The following TIMP2 variants were observed in gnomAD, a reference collection of about 807,000 sequenced individuals.
TIMP2 encodes the protein metalloproteinase inhibitor 2.
In TIMP2, 5 loss-of-function variants were observed where a neutral mutation model predicts 24.3. The ratio of observed to expected loss-of-function variants is 0.21; its 90% CI spans 0.11 to 0.43. The LOEUF (loss-of-function observed/expected upper bound fraction) is 0.43. Among genes scored for constraint, TIMP2 ranks in the 20% least tolerant of loss-of-function variants. The probability of loss-of-function intolerance (pLI) is 1.00; values close to 1 mark genes in which losing one functional copy is unlikely to be tolerated. For missense variants in TIMP2, 221 were observed against 297.5 expected, an observed-to-expected ratio of 0.74 and a Z score of 1.89; for synonymous variants, 130 against 123.2, an observed-to-expected ratio of 1.06 and a Z score of -0.37.
Position 78,918,065 on chromosome 17 carries a change from A to AACAC in TIMP2, c.130+6890_130+6893dup, listed in dbSNP as rs57256110. Among the ~76,000 whole-genome samples the AACAC allele has an allele frequency of 7.1e-3, 1,030 of 144,920 alleles. 7 individuals are homozygous for AACAC. The highest frequency in any genetic ancestry group is 0.017 in the Middle Eastern group (5 of 286). ...AAAAACACGTACGCGTGCACACACA[A>AACAC]ACACACACACACACACACACACACA... On this transcript the variant is annotated intron_variant, in intron 1 of 4. Coordinates refer to ENST00000262768, the MANE Select transcript of TIMP2 (RefSeq NM_003255.5).
rs952458245 is a variant in TIMP2 at position 78,891,263 on chromosome 17, G to A, written c.131-17344C>T. 1.9e-5 allele frequency: 29 copies of A among 1,550,442 alleles called. No individual in the cohort carries two copies. Among genetic ancestry groups the A allele is most frequent in the African/African-American group, 2.7e-5 (2 of 73,012 alleles). ...GTCGGTCTTGGACGCTGCCTGCTGC[G>A]CCTCCTCCTCTGCTGGGCTCCTGGG... is the stretch of plus-strand genomic sequence containing the variant. On this transcript the variant is annotated intron_variant, in intron 1 of 4. Transcript: ENST00000262768. This position sits in a 1 kb window ranked among gnomAD's most constrained non-coding sequence, Gnocchi z 4.5.
At chr17:78,871,069 C>A in intron 2 of TIMP2, 63 bp from the exon 3 acceptor site, 1 of 1,420,332 alleles carries the variant, frequency 7.0e-7, no homozygotes, top group South Asian at 1.2e-5. Context: ...GAATTCCGTT[C>A]CCATCCAGAA....
In TIMP2 at chr17:78,925,001, A is replaced by T. The variant is rs557766081; in HGVS notation, c.88T>A (p.Ser30Thr). 1.6e-6 allele frequency: 2 copies of T among 1,283,048 alleles called. No homozygotes were observed. The highest frequency in any genetic ancestry group is 3.1e-5 in the African/African-American group (2 of 63,656). 79.5% of individuals were successfully genotyped at this position (1,283,048 alleles called of 1,614,324 possible). A position where few individuals can be genotyped will look rare whatever the true frequency, so the allele number is the denominator to read the frequency against. ...LLRPADACSC[S>T]PVHPQQAFCN... ...AACGCCTGTTGCGGGTGCACCGGGG[A>T]GCAGCTGCAGGCGTCGGCCGGGCGA... The change falls in exon 1 of 5, where the codon TCC becomes ACC. Residue 30 changes from serine to threonine, a missense_variant. Physicochemically the swap from Ser to Thr is moderately conservative, Grantham distance 58. Transcript: ENST00000262768.
intron 3 of TIMP2, among the ~76,000 whole-genome samples, chr17:78,862,654 C>T (rs1468019795): frequency 6.6e-6 from 1 of 152,212 alleles, no homozygotes; most frequent in Non-Finnish European, 1.5e-5. Flanking sequence ...GATCCATCGC[C>T]CAGGTAGTGG....
chr17:78,905,237 A>G (rs2070148311), intron 1 of TIMP2, among the ~76,000 whole-genome samples: 1 of 151,870 alleles, frequency 6.6e-6, no homozygotes, highest in African/African-American at 2.4e-5. Flanking sequence ...GACTTACCCC[A>G]GTGGCCACCC....
intron 1 of TIMP2, among the ~76,000 whole-genome samples, chr17:78,918,070 A>ACACGCGCGCG (rs1555652961): frequency 2.3e-5 from 3 of 133,050 alleles, no homozygotes; most frequent in African/African-American, 9.7e-5. Flanking sequence ...ACACAAACAC[A>ACACGCGCGCG]CACACACACA....
intron 1 of TIMP2, chr17:78,897,071 G>T: frequency 1.1e-6 from 1 of 891,614 alleles, no homozygotes; most frequent in Non-Finnish European, 1.3e-6. Flanking sequence ...AGGCAGCGTG[G>T]AAGTGCCAGG....
intron 1 of TIMP2, among the ~76,000 whole-genome samples, chr17:78,885,708 G>A (rs1459042823): frequency 6.6e-6 from 1 of 152,186 alleles, no homozygotes; most frequent in Non-Finnish European, 1.5e-5. Flanking sequence ...GGCAGGAGGT[G>A]GAGGGCCAGG....
At chr17:78,886,608 C>T (rs1157328553) in intron 1 of TIMP2, among the ~76,000 whole-genome samples, 1 of 152,192 alleles carries the variant, frequency 6.6e-6, no homozygotes, top group Non-Finnish European at 1.5e-5. Flanking sequence ...TCCTGACCCC[C>T]AGTTTCCTTC....
rs182572311 is a variant in TIMP2, at chr17:78,919,572, A to C, written c.130+5387T>G. 4.1e-4 allele frequency among the ~76,000 whole-genome samples: 62 copies of C among 152,226 alleles called. 2 individuals are homozygous for C. The highest frequency in any genetic ancestry group is 2.9e-3 in the East Asian group (15 of 5,172). ...ACCATCTGCTGGGTGCGGTGGCTCA[A>C]GCCTGTAATCTCAACACTTTGGGAG... On this transcript the variant is annotated intron_variant, in intron 1 of 4. Transcript: ENST00000262768.
At chr17:78,862,271 G>A (rs8080307) in intron 3 of TIMP2, among the ~76,000 whole-genome samples, 7,120 of 152,250 alleles carry the variant, frequency 0.047, 226 homozygotes, top group Middle Eastern at 0.078. Context: ...ACTGTGCCCT[G>A]TGATTTCTGG....
chr17:78,891,638 A>G lies in TIMP2; in HGVS notation c.131-17719T>C, dbSNP rs527484347. On this transcript the variant is annotated intron_variant, in intron 1 of 4. Coordinates refer to ENST00000262768, the MANE Select transcript of TIMP2 (RefSeq NM_003255.5). This position sits in a 1 kb window ranked among gnomAD's most constrained non-coding sequence, Gnocchi z 4.5. The stretch of plus-strand genomic sequence containing the variant: ...CTGAGAGCGACTGGTCAGGGCTGGA[A>G]CAAAGCAAACTGCCCCCTTTCCCAG... 2.4e-4 allele frequency: 370 copies of G among 1,550,966 alleles called. 1 individual carries two copies. The African/African-American group carries it at 4.6e-3, about 19-fold the overall frequency.
intron 1 of TIMP2, among the ~76,000 whole-genome samples, chr17:78,900,412 G>A (rs1388719369): frequency 6.6e-6 from 1 of 152,100 alleles, no homozygotes; most frequent in Non-Finnish European, 1.5e-5. Flanking sequence ...AGGTGTGGTG[G>A]TATATGCCTG....
At chr17:78,912,301 C>T (rs2070215895) in intron 1 of TIMP2, among the ~76,000 whole-genome samples, 1 of 152,228 alleles carries the variant, frequency 6.6e-6, no homozygotes, top group Non-Finnish European at 1.5e-5. Context: ...TCTGTCCAGG[C>T]CTCCGCTACC....
intron 1 of TIMP2, among the ~76,000 whole-genome samples, chr17:78,894,560 T>A (rs956085370): frequency 6.6e-6 from 1 of 152,124 alleles, no homozygotes; most frequent in African/African-American, 2.4e-5. Context: ...AAGAATAGTT[T>A]TTTTGTTTTT....
Position 78,855,660 on chromosome 17 carries a change from G to C in TIMP2, c.*7C>G. 2 of 1,613,074 alleles carry C rather than the reference G, an allele frequency of 1.2e-6. No individual in the cohort carries two copies. Among genetic ancestry groups the C allele is most frequent in the Non-Finnish European group, 1.7e-6 (2 of 1,179,690 alleles). On this transcript the variant is annotated 3_prime_UTR_variant, in exon 5 of 5. Transcript: ENST00000262768. This position sits in a 1 kb window ranked among gnomAD's most constrained non-coding sequence, Gnocchi z 6.0. ...TGCAGTTGGCCACAGGGGCGTTGGA[G>C]GCCTGCTTATGGGTCCTCGATGTCG...
At chr17:78,873,964 G>A (rs2069707452) in intron 1 of TIMP2, 45 bp from the exon 2 acceptor site, 7 of 1,557,974 alleles carry the variant, frequency 4.5e-6, no homozygotes, top group South Asian at 2.2e-5. Context: ...CCTGAAACAC[G>A]CTCCTGGGGC....
chr17:78,904,991 T>A (rs1162074851), intron 1 of TIMP2: 1 of 152,090 alleles, frequency 6.6e-6, no homozygotes, highest in Non-Finnish European at 1.5e-5. Flanking sequence ...AATACAAAAA[T>A]GACCCGGGCG....
At chr17:78,893,405 G>GTGTGCGCATAGAGGTA (rs139652180) in intron 1 of TIMP2, among the ~76,000 whole-genome samples, 15 of 128,392 alleles carry the variant, frequency 1.2e-4, no homozygotes, top group East Asian at 9.5e-4. Flanking sequence ...ATGCAGGGGT[G>GTGTGCGCATAGAGGTA]TGTGTGCATA....
Sources: gnomAD v4.1 joint callset for allele counts (sites outside exome capture counted in the v4.1 genomes callset) on GRCh38, gnomAD v4.1.1 for gene constraint, Gnocchi (gnomAD v3.1) non-coding constraint, MANE v1.5 for transcripts, NCBI Gene and HGNC (gene_info 2026-07-23, HGNC 2026-07-21) for gene names.